The following ADGRV1 variants were observed in gnomAD, a reference collection of about 807,000 sequenced individuals.
ADGRV1 encodes adhesion G protein-coupled receptor V1.
In ADGRV1, 359 loss-of-function variants were observed where a neutral mutation model predicts 596.2. That is an observed-to-expected ratio of 0.60 (90% CI 0.55 to 0.66). ADGRV1 has a LOEUF of 0.66. Among genes scored for constraint, ADGRV1 ranks in the 30% least tolerant of loss-of-function variants. The pLI is 0.00. For missense variants in ADGRV1, 7,274 were observed against 7,575.6 expected, an observed-to-expected ratio of 0.96 and a Z score of 1.48; for synonymous variants, 2,681 against 2,679.2, an observed-to-expected ratio of 1.00 and a Z score of -0.02.
At chr5:91,028,851 G>GCAT (rs936701981) in intron 85 of ADGRV1, among the ~76,000 whole-genome samples, 2 of 147,200 alleles carry the variant, frequency 1.4e-5, no homozygotes, top group Admixed American at 1.4e-4. Flanking sequence ...GAGTCCTCTT[G>GCAT]CATCAGCCTC....
At chr5:91,058,526 T>TG (rs1787113830) in intron 85 of ADGRV1, among the ~76,000 whole-genome samples, 1 of 151,550 alleles carries the variant, frequency 6.6e-6, no homozygotes, top group African/African-American at 2.4e-5. Flanking sequence ...GACAGTAGTA[T>TG]GGAAGATAAG....
intron 83 of ADGRV1, among the ~76,000 whole-genome samples, chr5:90,950,178 C>T (rs1776938619): frequency 6.6e-6 from 1 of 152,066 alleles, no homozygotes; most frequent in African/African-American, 2.4e-5. Flanking sequence ...GTCTTATTCC[C>T]ACTTTAAGAT....
intron 85 of ADGRV1, among the ~76,000 whole-genome samples, chr5:90,993,114 T>A (rs1781104361): frequency 6.6e-6 from 1 of 151,416 alleles, no homozygotes; most frequent in Middle Eastern, 3.2e-3. Flanking sequence ...GTGTCCTTGG[T>A]CTTCAATCTG....
chr5:91,143,480 G>T (rs116218866), intron 87 of ADGRV1, among the ~76,000 whole-genome samples: 75 of 152,290 alleles, frequency 4.9e-4, no homozygotes, highest in African/African-American at 1.8e-3. Context: ...GCTCCTCTCC[G>T]CAGCTGGTCG....
At chr5:90,625,361 G>A in intron 6 of ADGRV1, 118 bp downstream of exon 6, 1 of 574,036 alleles carries the variant, frequency 1.7e-6, no homozygotes, top group Non-Finnish European at 3.2e-6. Flanking sequence ...TGACTGTTCT[G>A]GAATACATCT....
Position 90,965,432 on chromosome 5 carries a change from T to A in ADGRV1, c.17874T>A (p.Ser5958=). 6.2e-7 allele frequency: 1 copy of A among 1,611,286 alleles called. No individual in the cohort carries two copies. Among genetic ancestry groups the A allele is most frequent in the South Asian group, 1.1e-5 (1 of 91,000 alleles). ...TCTTACAGATTCTGTTTCTGGCGTC[T>A]GCATACGCAAGTCCCCAACTCGCTG... ...SLGTQILFLA[S]AYASPQLAEE... is the part of the protein sequence containing the mutation. Residue 5958 remains serine (S), a synonymous_variant, in exon 84 of 90, where the codon TCT becomes TCA. Coordinates refer to ENST00000405460, the MANE Select transcript of ADGRV1 (RefSeq NM_032119.4).
chr5:90,768,220 G>T (rs1168324026), intron 59 of ADGRV1, among the ~76,000 whole-genome samples: 1 of 152,132 alleles, frequency 6.6e-6, no homozygotes, highest in African/African-American at 2.4e-5. Flanking sequence ...GGAGGCATGG[G>T]GTTGTTTCTA....
intron 9 of ADGRV1, among the ~76,000 whole-genome samples, chr5:90,634,481 A>T (rs1419202366): frequency 6.6e-6 from 1 of 152,236 alleles, no homozygotes; most frequent in African/African-American, 2.4e-5. Flanking sequence ...ACTATATGTT[A>T]TACATTGCAG....
intron 30 of ADGRV1, 59 bp downstream of exon 30, chr5:90,690,135 T>A: frequency 1.0e-6 from 1 of 992,354 alleles, no homozygotes; most frequent in Non-Finnish European, 1.5e-6. Flanking sequence ...TCATAGATAA[T>A]GATCTTTACT....
At chr5:91,054,071 TTGTGTGTGTG>T (rs769226492) in intron 85 of ADGRV1, among the ~76,000 whole-genome samples, 7 of 133,142 alleles carry the variant, frequency 5.3e-5, no homozygotes, top group African/African-American at 1.7e-4. Context: ...CTGTGTGTGT[TTGTGTGTGTG>T]TGTGTGTGTG....
chr5:90,766,241 C>T (rs1757130795), intron 59 of ADGRV1, among the ~76,000 whole-genome samples: 1 of 152,216 alleles, frequency 6.6e-6, no homozygotes, highest in Non-Finnish European at 1.5e-5. Context: ...GATTCTGCCC[C>T]TGTTTTCCCA....
At chr5:90,932,564 T>C (rs1019685518) in intron 83 of ADGRV1, among the ~76,000 whole-genome samples, 1 of 152,210 alleles carries the variant, frequency 6.6e-6, no homozygotes, top group African/African-American at 2.4e-5. Flanking sequence ...ACAATGTGTT[T>C]GATATCAAGT....
intron 84 of ADGRV1, among the ~76,000 whole-genome samples, chr5:90,972,824 T>G (rs1342179807): frequency 1.3e-5 from 2 of 151,990 alleles, no homozygotes; most frequent in South Asian, 2.1e-4. Context: ...ATTCAAAAGC[T>G]AGCAGAAGAC....
At chr5:90,672,803 C>T (rs762944394) in intron 22 of ADGRV1, 81 bp downstream of exon 22, 145 of 1,106,530 alleles carry the variant, frequency 1.3e-4, no homozygotes, top group Non-Finnish European at 1.8e-4. Flanking sequence ...TTCTTTGCAG[C>T]TTTTGATTGA....
rs1394596702 is a variant in ADGRV1, at chr5:90,809,781, A to C, written c.14973-452A>C. Reference sequence around the variant, plus strand: ...TACATAAAGTTTTAGCCACATTTGCATGAGAGGTTAGTTCCATTACTGGCA... The same window carrying C: ...TACATAAAGTTTTAGCCACATTTGCCTGAGAGGTTAGTTCCATTACTGGCA... On this transcript the variant is annotated intron_variant, in intron 73 of 89. Coordinates refer to ENST00000405460, the MANE Select transcript of ADGRV1 (RefSeq NM_032119.4). 2.6e-5 allele frequency among the ~76,000 whole-genome samples: 4 copies of C among 152,226 alleles called. No homozygotes were observed. In the East Asian group the frequency reaches 7.7e-4, roughly 29 times the overall value.
chr5:90,812,011 C>T (rs1038342998), intron 74 of ADGRV1, among the ~76,000 whole-genome samples: 2 of 151,098 alleles, frequency 1.3e-5, no homozygotes, highest in African/African-American at 4.9e-5. Flanking sequence ...TCACTGCAAC[C>T]TCTGCCTCCC....
chr5:91,014,518 G>T (rs955662119), intron 85 of ADGRV1, among the ~76,000 whole-genome samples: 35 of 151,096 alleles, frequency 2.3e-4, no homozygotes, highest in Non-Finnish European at 4.6e-4. Flanking sequence ...GAGTTTTTTT[G>T]TTTTTTGTTT....
chr5:91,012,094 G>C (rs1782768205), intron 85 of ADGRV1, among the ~76,000 whole-genome samples: 1 of 151,822 alleles, frequency 6.6e-6, no homozygotes, highest in Admixed American at 6.6e-5. Flanking sequence ...TCAATAGCTT[G>C]CTAACCGTGT....
intron 83 of ADGRV1, among the ~76,000 whole-genome samples, chr5:90,954,582 T>C (rs565006843): frequency 1.3e-5 from 2 of 152,324 alleles, no homozygotes; most frequent in Middle Eastern, 6.8e-3. Flanking sequence ...TGATGCATTA[T>C]CTATAAACAT....
Sources: gnomAD v4.1 joint callset for allele counts (sites outside exome capture counted in the v4.1 genomes callset) on GRCh38, gnomAD v4.1.1 for gene constraint, MANE v1.5 for transcripts, NCBI Gene and HGNC (gene_info 2026-07-23, HGNC 2026-07-21) for gene names.